CECR2: variants seen among roughly 807,000 people sequenced by gnomAD.
CECR2 encodes the protein chromatin remodeling regulator CECR2.
In CECR2, 30 loss-of-function variants were observed where a neutral mutation model predicts 154.5. The ratio of observed to expected loss-of-function variants is 0.19; its 90% CI spans 0.15 to 0.26. CECR2 has a LOEUF of 0.26. Among genes scored for constraint, CECR2 ranks in the 10% least tolerant of loss-of-function variants. The probability of loss-of-function intolerance (pLI) is 1.00; values close to 1 mark genes in which losing one functional copy is unlikely to be tolerated. For missense variants in CECR2, 1,743 were observed against 1,829.3 expected, an observed-to-expected ratio of 0.95 and a Z score of 0.86; for synonymous variants, 725 against 683.7, an observed-to-expected ratio of 1.06 and a Z score of -0.94.
chr22:17,495,023 T>A (rs1473126413), intron 2 of CECR2, among the ~76,000 whole-genome samples: 1 of 152,186 alleles, frequency 6.6e-6, no homozygotes, highest in Admixed American at 6.5e-5. Context: ...GCCTAAGCCT[T>A]CTTAATTTTT....
intron 2 of CECR2, among the ~76,000 whole-genome samples, chr22:17,488,436 C>T (rs547180023): frequency 6.6e-6 from 1 of 152,286 alleles, no homozygotes; most frequent in East Asian, 1.9e-4. Context: ...CAGAAAGTTT[C>T]CTTTGTAGTC....
intron 1 of CECR2, among the ~76,000 whole-genome samples, chr22:17,432,834 C>A (rs1259392485): frequency 6.6e-6 from 1 of 152,140 alleles, no homozygotes; most frequent in Non-Finnish European, 1.5e-5. Flanking sequence ...TCACTGTGAT[C>A]CTCCCACCTC....
chr22:17,530,168 A>G (rs1601522574), intron 9 of CECR2, among the ~76,000 whole-genome samples: 1 of 142,440 alleles, frequency 7.0e-6, no homozygotes, highest in Non-Finnish European at 1.5e-5. Flanking sequence ...AGTTCCCTGA[A>G]TTTTTTTTTT....
chr22:17,440,509 A>G (rs1054846198), intron 1 of CECR2, among the ~76,000 whole-genome samples: 2 of 152,042 alleles, frequency 1.3e-5, no homozygotes, highest in African/African-American at 4.8e-5. Flanking sequence ...ACTAGTAACT[A>G]AGGAACTAAA....
intron 9 of CECR2, among the ~76,000 whole-genome samples, chr22:17,533,849 T>C (rs1187882842): frequency 6.6e-6 from 1 of 151,662 alleles, no homozygotes; most frequent in East Asian, 2.0e-4. Flanking sequence ...CCCAAGTAGC[T>C]GGGATTACAG....
chr22:17,479,740 T>C lies in CECR2; in HGVS notation c.221+2058T>C, dbSNP rs528364522. On this transcript the variant is annotated intron_variant, in intron 2 of 18. Coordinates refer to ENST00000262608, the MANE Select transcript of CECR2 (RefSeq NM_001290047.2). ...AACCTATGAAGAAATGTGGGCAAAA[T>C]TGACATCCCTACAATGTGGTCTTTC... Among the ~76,000 whole-genome samples the C allele has an allele frequency of 1.9e-4, 29 of 151,802 alleles. No individual in the cohort carries two copies. The South Asian group carries it at 5.6e-3, about 29-fold the overall frequency.
intron 8 of CECR2, among the ~76,000 whole-genome samples, chr22:17,515,836 C>T (rs1009860339): frequency 4.6e-5 from 7 of 152,222 alleles, no homozygotes; most frequent in South Asian, 4.1e-4. Context: ...CCACCACGCC[C>T]GGCTAATTCT....
At position 17,369,593 on chromosome 22, in the gene CECR2, C is replaced by G. The variant is rs1416207961; in HGVS notation, c.-191C>G. The G allele has an allele frequency of 4.8e-5, 7 of 146,978 alleles. No homozygotes were observed. Among genetic ancestry groups the G allele is most frequent in the African/African-American group, 1.7e-4 (7 of 40,882 alleles). The allele number at this position is 146,978 out of a possible 1,614,324, so 9.1% of individuals were successfully genotyped here. A position where few individuals can be genotyped will look rare whatever the true frequency, so the allele number is the denominator to read the frequency against. ...CAGCCGCCTCAGTAGTTCGGGCCCC[C>G]GCGCCGCCGCCCCCCGCCCGGCGCC... On this transcript the variant is annotated 5_prime_UTR_variant, in exon 1 of 19. Coordinates refer to ENST00000262608, the MANE Select transcript of CECR2 (RefSeq NM_001290047.2).
At chr22:17,523,768 A>G (rs1346697007) in intron 8 of CECR2, among the ~76,000 whole-genome samples, 5 of 151,306 alleles carry the variant, frequency 3.3e-5, no homozygotes, top group East Asian at 3.9e-4. Flanking sequence ...AAAAAAAAAA[A>G]AAAAAAAGAA....
At chr22:17,526,766 A>G (rs1021557289) in intron 9 of CECR2, among the ~76,000 whole-genome samples, 20 of 145,696 alleles carry the variant, frequency 1.4e-4, no homozygotes, top group Admixed American at 3.7e-4. Flanking sequence ...CTAAGATTGC[A>G]TCACTGCACT....
intron 1 of CECR2, among the ~76,000 whole-genome samples, chr22:17,397,130 A>G (rs533271965): frequency 1.3e-5 from 2 of 148,398 alleles, no homozygotes; most frequent in African/African-American, 5.0e-5. Flanking sequence ...TTTTTTTTTT[A>G]TTTATTTTAT....
At chr22:17,375,090 A>G (rs1262569201) in intron 1 of CECR2, among the ~76,000 whole-genome samples, 6 of 151,430 alleles carry the variant, frequency 4.0e-5, no homozygotes, top group African/African-American at 1.5e-4. Context: ...GGACAAATTC[A>G]AGTATTCATT....
At chr22:17,378,182 A>G (rs374174587) in intron 1 of CECR2, among the ~76,000 whole-genome samples, 13 of 150,750 alleles carry the variant, frequency 8.6e-5, no homozygotes, top group South Asian at 2.1e-4. Flanking sequence ...ACGGGGTTTC[A>G]CCGTGTTAGC....
At chr22:17,483,494 A>G (rs569600931) in intron 2 of CECR2, among the ~76,000 whole-genome samples, 4 of 152,322 alleles carry the variant, frequency 2.6e-5, no homozygotes, top group South Asian at 2.1e-4. Context: ...TGGTGCATGC[A>G]TGTAGTCTAA....
At position 17,549,579 on chromosome 22, in the gene CECR2, A is replaced by G; in HGVS notation, c.4277+15A>G. The G allele has an allele frequency of 6.5e-7, 1 of 1,539,012 alleles. No homozygotes were observed. The highest frequency in any genetic ancestry group is 8.8e-7 in the Non-Finnish European group (1 of 1,133,902). On this transcript the variant is annotated intron_variant, in intron 17 of 18. Coordinates refer to ENST00000262608, the MANE Select transcript of CECR2 (RefSeq NM_001290047.2). Reference sequence around the variant, plus strand: ...AGACCATCAGGGTAAGATTGCATTCAGGCTTTTCCCCCTAAAGAGAGAACA... The same window carrying G: ...AGACCATCAGGGTAAGATTGCATTCGGGCTTTTCCCCCTAAAGAGAGAACA...
intron 1 of CECR2, among the ~76,000 whole-genome samples, chr22:17,396,407 G>A (rs2053812302): frequency 1.3e-5 from 2 of 152,302 alleles, no homozygotes; most frequent in Non-Finnish European, 2.9e-5. Flanking sequence ...TTAGCTGGGT[G>A]TGGTGGTGGG....
intron 16 of CECR2, among the ~76,000 whole-genome samples, chr22:17,544,497 C>CAAAAAAAA (rs34885224): frequency 1.7e-5 from 1 of 57,390 alleles, no homozygotes; most frequent in African/African-American, 6.6e-5. Context: ...GACTCCATCT[C>CAAAAAAAA]AAAAAAAAAA....
At chr22:17,492,279 T>A (rs1438278901) in intron 2 of CECR2, among the ~76,000 whole-genome samples, 1 of 152,222 alleles carries the variant, frequency 6.6e-6, no homozygotes, top group Non-Finnish European at 1.5e-5. Flanking sequence ...GGCTGCCCTT[T>A]CATGTCCCTA....
intron 8 of CECR2, among the ~76,000 whole-genome samples, chr22:17,517,809 C>T (rs536405379): frequency 2.6e-5 from 4 of 152,320 alleles, no homozygotes; most frequent in East Asian, 1.9e-4. Flanking sequence ...CCGAAGTCAT[C>T]GTACATAACA....
Sources: gnomAD v4.1 joint callset for allele counts (sites outside exome capture counted in the v4.1 genomes callset) on GRCh38, gnomAD v4.1.1 for gene constraint, MANE v1.5 for transcripts, NCBI Gene and HGNC (gene_info 2026-07-23, HGNC 2026-07-21) for gene names.